The following FDFT1 variants were observed in gnomAD, a reference collection of about 807,000 sequenced individuals.
FDFT1 encodes squalene synthase.
FDFT1 carries 68 observed loss-of-function variants against 46.8 expected under a neutral mutation model. That is an observed-to-expected ratio of 1.45 (90% CI 1.19 to 1.78). The LOEUF (loss-of-function observed/expected upper bound fraction) is 1.78. Ranked by LOEUF, FDFT1 falls within the 40% of genes most tolerant of loss-of-function variation. The pLI, the probability that FDFT1 is intolerant of heterozygous loss-of-function variation, is 0.00. For synonymous variants in FDFT1, 351 were observed against 185.1 expected (o/e 1.90, Z -7.28); for missense variants, 928 against 524.4 (o/e 1.77, Z -7.52).
chr8:11,808,978 C>G (rs1807317061), intron 2 of FDFT1, 87 bp downstream of exon 2: 3 of 1,534,778 alleles, frequency 2.0e-6, no homozygotes, highest in South Asian at 1.2e-5. Flanking sequence ...TGATATAGCG[C>G]TCAGCGTTGC....
Position 11,809,757 on chromosome 8 carries a change from G to T in FDFT1, c.288G>T (p.Leu96=). Reference sequence around the variant, plus strand: ...TCAGTGTGGAAAAGAAGGTCCCGCTGTTACACAACTTTCACTCTTTCCTTT... The same window carrying T: ...TCAGTGTGGAAAAGAAGGTCCCGCTTTTACACAACTTTCACTCTTTCCTTT... ...MTISVEKKVP[L]LHNFHSFLYQ... The change falls in exon 3 of 8, where the codon CTG becomes CTT. Residue 96 remains leucine, a synonymous_variant. Transcript: ENST00000220584. 6.2e-7 allele frequency: 1 copy of T among 1,614,124 alleles called. No individual in the cohort carries two copies. Among genetic ancestry groups the T allele is most frequent in the South Asian group, 1.1e-5 (1 of 91,086 alleles).
At chr8:11,795,582 G>A (rs563168009) in exon 1 of FDFT1, 2 of 93,258 alleles carry the variant, frequency 2.1e-5, no homozygotes, top group East Asian at 8.6e-4. Flanking sequence ...AAAAAACGGT[G>A]GCAACACGCT....
chr8:11,822,869 G>T (rs1389600869), intron 4 of FDFT1, among the ~76,000 whole-genome samples: 1 of 152,214 alleles, frequency 6.6e-6, no homozygotes, highest in Non-Finnish European at 1.5e-5. Context: ...CACTGGTTAT[G>T]ATAGTAACTC....
Position 11,816,668 on chromosome 8 carries a change from T to C in FDFT1, c.382-5082T>C, listed in dbSNP as rs1019276869. 7.2e-4 allele frequency among the ~76,000 whole-genome samples: 110 copies of C among 152,200 alleles called. 1 individual carries two copies. The highest frequency in any genetic ancestry group is 1.9e-4 in the Non-Finnish European group (13 of 68,038). ...GTTCACTCATGATTTGGCTCCTTGT[T>C]TGTCTGTTATTGGTGTATAGGAATG... On this transcript the variant is annotated intron_variant, in intron 3 of 7. Transcript: ENST00000220584.
chr8:11,799,250 A>G (rs576478162), upstream of FDFT1, among the ~76,000 whole-genome samples: 4 of 152,348 alleles, frequency 2.6e-5, no homozygotes, highest in East Asian at 1.9e-4. Flanking sequence ...ATCAGGAGAA[A>G]GTTACTGAGA....
chr8:11,822,680 G>A (rs535915067), intron 4 of FDFT1, among the ~76,000 whole-genome samples: 1 of 152,218 alleles, frequency 6.6e-6, no homozygotes. Flanking sequence ...GGGAATTGGT[G>A]GCATGTGCCT....
chr8:11,807,023 TACAAATAAAA>T (rs5889386), intron 1 of FDFT1, among the ~76,000 whole-genome samples: 76,610 of 151,654 alleles, frequency 0.51, 20,925 homozygotes, highest in East Asian at 0.67. Context: ...AGGAAATATA[TACAAATAAAA>T]ACAACATAGT....
At chr8:11,815,822 T>G (rs1229569814) in intron 3 of FDFT1, among the ~76,000 whole-genome samples, 2 of 152,186 alleles carry the variant, frequency 1.3e-5, no homozygotes, top group Non-Finnish European at 2.9e-5. Context: ...GTAGGTTGCC[T>G]TTTACTCTGA....
chr8:11,810,802 T>C (rs1807609308), intron 3 of FDFT1, among the ~76,000 whole-genome samples: 1 of 152,014 alleles, frequency 6.6e-6, no homozygotes, highest in Admixed American at 6.6e-5. Flanking sequence ...TGCCAGAGCT[T>C]TTGGAGAACA....
chr8:11,810,549 T>A (rs1807568394), intron 3 of FDFT1, among the ~76,000 whole-genome samples: 1 of 152,226 alleles, frequency 6.6e-6, no homozygotes, highest in Non-Finnish European at 1.5e-5. Flanking sequence ...TGGTACAGGG[T>A]AAGTATTCTG....
At chr8:11,819,911 TGGA>T (rs1284443166) in intron 3 of FDFT1, among the ~76,000 whole-genome samples, 1 of 152,190 alleles carries the variant, frequency 6.6e-6, no homozygotes, top group Non-Finnish European at 1.5e-5. Context: ...TACGTTCCTT[TGGA>T]GGAGAAGAGG....
intron 1 of FDFT1, chr8:11,808,143 T>C (rs1448892734): frequency 3.8e-6 from 2 of 529,606 alleles, no homozygotes; most frequent in East Asian, 1.1e-4. Context: ...AGCAGGATTC[T>C]TGGTAAAACT....
intron 5 of FDFT1, among the ~76,000 whole-genome samples, chr8:11,826,714 C>T (rs572075778): frequency 2.1e-4 from 32 of 152,288 alleles, no homozygotes; most frequent in Non-Finnish European, 3.8e-4. Flanking sequence ...ACCTGGGAGG[C>T]TGAGGCAGGA....
At chr8:11,808,737 CACTCCCACTCCT>C (rs1563301177) in intron 1 of FDFT1, 45 bp from the exon 2 acceptor site, 13 of 1,553,958 alleles carry the variant, frequency 8.4e-6, no homozygotes, top group African/African-American at 5.1e-5. Context: ...CTCCCACTCC[CACTCCCACTCCT>C]GCTCCTCGAC....
At chr8:11,823,775 GCT>G (rs1809582275) in intron 4 of FDFT1, among the ~76,000 whole-genome samples, 1 of 151,982 alleles carries the variant, frequency 6.6e-6, no homozygotes, top group African/African-American at 2.4e-5. Flanking sequence ...ACAGGGTATT[GCT>G]CTGTCACCCA....
rs200934637 is a variant in FDFT1, at chr8:11,802,828, C to T, written c.-5C>T. ...CGCGCCCGGGAGTCCGCCGCCTGCG[C>T]CAGGATGGAGTTCGTGAAATGCCTT... is the stretch of plus-strand genomic sequence containing the variant. On this transcript the variant is annotated 5_prime_UTR_variant, in exon 1 of 8. Coordinates refer to ENST00000220584, the MANE Select transcript of FDFT1 (RefSeq NM_004462.5). 311 of 1,607,106 alleles carry T rather than the reference C, an allele frequency of 1.9e-4. 2 individuals are homozygous for T. The African/African-American group carries it at 3.4e-3, about 18-fold the overall frequency.
At chr8:11,830,975 C>A (rs999065072) in intron 6 of FDFT1, among the ~76,000 whole-genome samples, 1 of 152,150 alleles carries the variant, frequency 6.6e-6, no homozygotes, top group African/African-American at 2.4e-5. Flanking sequence ...TTCTAATGAC[C>A]AACTTCGAAT....
chr8:11,828,685 GTGAATAAAATGAGATGAACT>G, intron 5 of FDFT1, among the ~76,000 whole-genome samples: 2 of 152,352 alleles, frequency 1.3e-5, no homozygotes, highest in Middle Eastern at 3.4e-3. Context: ...CGGTGGTGGT[GTGAATAAAATGAGATGAACT>G]TCTAGCATAG....
At chr8:11,798,427 A>C (rs78622999), upstream of FDFT1, among the ~76,000 whole-genome samples, 1 of 152,206 alleles carries the variant, frequency 6.6e-6, no homozygotes, top group Non-Finnish European at 1.5e-5. Flanking sequence ...CAACTTCAAC[A>C]TGGTTTGGGA....
Sources: allele counts gnomAD v4.1 joint callset (sites outside exome capture counted in the v4.1 genomes callset), GRCh38; gene constraint gnomAD v4.1.1; transcripts MANE v1.5; gene names NCBI Gene and HGNC (gene_info 2026-07-23, HGNC 2026-07-21).